The following ZNRF1 variants were observed in gnomAD, a reference collection of about 807,000 sequenced individuals.
The protein encoded by ZNRF1 is zinc and ring finger 1.
Under a neutral mutation model 18.4 loss-of-function variants are expected in ZNRF1, and 3 were observed. The ratio of observed to expected loss-of-function variants is 0.16; its 90% CI spans 0.07 to 0.42. The LOEUF (loss-of-function observed/expected upper bound fraction) is 0.42. ZNRF1 is among the 10% of genes least tolerant of loss of function. ZNRF1 has a pLI of 0.99. For missense variants in ZNRF1, 310 were observed against 329.8 expected (o/e 0.94, Z 0.47); for synonymous variants, 157 against 144.2 (o/e 1.09, Z -0.64).
chr16:75,005,827 C>T (rs1411921229), intron 1 of ZNRF1, among the ~76,000 whole-genome samples: 1 of 152,132 alleles, frequency 6.6e-6, no homozygotes, highest in African/African-American at 2.4e-5. Context: ...TACAGTCATG[C>T]ATTGCTTAAT....
intron 1 of ZNRF1, among the ~76,000 whole-genome samples, chr16:75,010,395 G>A (rs1402892637): frequency 6.6e-6 from 1 of 152,204 alleles, no homozygotes; most frequent in Admixed American, 6.5e-5. Context: ...TCGGGAATAA[G>A]TAATAAATCT....
intron 1 of ZNRF1, among the ~76,000 whole-genome samples, chr16:75,011,356 G>T (rs548878986): frequency 6.6e-5 from 10 of 152,136 alleles, no homozygotes. Context: ...AAGTATAACA[G>T]CATTTAAGTC....
chr16:75,097,414 G>C (rs1282354047), intron 2 of ZNRF1, among the ~76,000 whole-genome samples: 1 of 152,270 alleles, frequency 6.6e-6, no homozygotes, highest in South Asian at 2.1e-4. Flanking sequence ...GTGTTCTGGG[G>C]GAGCAGAAGC....
chr16:75,103,449 G>A (rs973261932), intron 2 of ZNRF1, among the ~76,000 whole-genome samples: 2 of 152,070 alleles, frequency 1.3e-5, no homozygotes, highest in African/African-American at 4.8e-5. Flanking sequence ...CTTACATGAG[G>A]TAGCTAAAAT....
chr16:75,073,160 C>CTGTCTCTT (rs1365667527), intron 1 of ZNRF1, among the ~76,000 whole-genome samples: 1 of 151,426 alleles, frequency 6.6e-6, no homozygotes, highest in Non-Finnish European at 1.5e-5. Context: ...CTCTGTCTCT[C>CTGTCTCTT]TGTCTATATA....
At position 75,108,568 on chromosome 16, in the gene ZNRF1, T is replaced by C. The variant is rs2036343683; in HGVS notation, c.*868T>C. 1 of 398,854 alleles carries C rather than the reference T, an allele frequency of 2.5e-6. No individual in the cohort carries two copies. The highest frequency in any genetic ancestry group is 4.4e-6 in the Non-Finnish European group (1 of 226,056). 24.7% of individuals were successfully genotyped at this position (398,854 alleles called of 1,614,324 possible). ...GATGTTCACACGTGGCATCAGCCCA[T>C]GCAAGATAGGTTTCTGTATTTATAT... is the stretch of plus-strand genomic sequence containing the variant. On this transcript the variant is annotated 3_prime_UTR_variant, in exon 5 of 5. Transcript: ENST00000335325.
chr16:75,108,420 A>C lies in ZNRF1; in HGVS notation c.*720A>C. The C allele has an allele frequency of 2.5e-6, 1 of 394,692 alleles. No individual in the cohort carries two copies. Among genetic ancestry groups the C allele is most frequent in the Non-Finnish European group, 4.5e-6 (1 of 224,392 alleles). The allele number at this position is 394,692 out of a possible 1,614,324, so 24.4% of individuals were successfully genotyped here. A position where few individuals can be genotyped will look rare whatever the true frequency, so the allele number is the denominator to read the frequency against. On this transcript the variant is annotated 3_prime_UTR_variant, in exon 5 of 5. Coordinates refer to ENST00000335325, the MANE Select transcript of ZNRF1 (RefSeq NM_032268.5). The stretch of plus-strand genomic sequence containing the variant: ...ACAAGTGTCCTGCAAAAATGCCTGA[A>C]CATTATTCTTAGGCCCTCGTGGATT...
chr16:75,048,845 C>T (rs1033845834), intron 1 of ZNRF1, among the ~76,000 whole-genome samples: 8 of 152,100 alleles, frequency 5.3e-5, no homozygotes, highest in Admixed American at 6.5e-5. Context: ...AACCTTTGAC[C>T]GGTGGTTTTT....
intron 3 of ZNRF1, 146 bp from the exon 4 acceptor site, chr16:75,106,336 T>G: frequency 1.4e-6 from 1 of 736,240 alleles, no homozygotes; most frequent in Non-Finnish European, 2.3e-6. Flanking sequence ...AGTAGGGATA[T>G]CTGGGGACAT....
intron 1 of ZNRF1, among the ~76,000 whole-genome samples, chr16:75,045,198 G>T (rs1294679534): frequency 6.6e-6 from 1 of 152,140 alleles, no homozygotes; most frequent in South Asian, 2.1e-4. Flanking sequence ...CCACACCCAT[G>T]CAAACTATGT....
intron 2 of ZNRF1, among the ~76,000 whole-genome samples, chr16:75,101,478 G>T (rs536493144): frequency 4.6e-5 from 7 of 151,986 alleles, no homozygotes; most frequent in Non-Finnish European, 8.8e-5. Context: ...CTCTTGAGGC[G>T]GAGGTTGCAG....
intron 1 of ZNRF1, among the ~76,000 whole-genome samples, chr16:75,048,663 TAAGC>T (rs1235237159): frequency 3.3e-5 from 5 of 152,180 alleles, no homozygotes; most frequent in African/African-American, 1.2e-4. Context: ...CTTTACCAGT[TAAGC>T]ATTTTTGGCA....
intron 1 of ZNRF1, among the ~76,000 whole-genome samples, chr16:75,058,329 C>CT (rs1669483657): frequency 1.3e-5 from 2 of 152,058 alleles, no homozygotes; most frequent in Admixed American, 1.3e-4. Context: ...TTGAGGTGAG[C>CT]TGTTCTCATC....
At chr16:75,059,361 C>T (rs2035714288) in intron 1 of ZNRF1, among the ~76,000 whole-genome samples, 1 of 150,668 alleles carries the variant, frequency 6.6e-6, no homozygotes, top group South Asian at 2.1e-4. Flanking sequence ...GATTCTCCTG[C>T]CTCAGCCTCC....
chr16:75,035,418 A>C (rs2035365311), intron 1 of ZNRF1, among the ~76,000 whole-genome samples: 2 of 152,190 alleles, frequency 1.3e-5, no homozygotes, highest in Admixed American at 6.5e-5. Flanking sequence ...TGCAGTGATC[A>C]TGCAATGGTG....
chr16:75,095,810 GT>G, intron 2 of ZNRF1: 1 of 1,404,128 alleles, frequency 7.1e-7, no homozygotes, highest in Non-Finnish European at 9.4e-7. Context: ...GTGTCCCCCT[GT>G]CCCCCTCTGT....
At chr16:75,023,977 T>G (rs998145571) in intron 1 of ZNRF1, among the ~76,000 whole-genome samples, 1 of 151,514 alleles carries the variant, frequency 6.6e-6, no homozygotes, top group African/African-American at 2.4e-5. Context: ...TTCAAGTGAT[T>G]CTCCTGACTC....
intron 1 of ZNRF1, among the ~76,000 whole-genome samples, chr16:75,035,121 C>A (rs1413048772): frequency 1.3e-5 from 2 of 149,056 alleles, no homozygotes; most frequent in Non-Finnish European, 3.0e-5. Flanking sequence ...CCCCACCCTC[C>A]ACCCCCCCTC....
Position 75,107,802 on chromosome 16 carries a change from G to C in ZNRF1, c.*102G>C, listed in dbSNP as rs2036336158. On this transcript the variant is annotated 3_prime_UTR_variant, in exon 5 of 5. Transcript: ENST00000335325. ...GGGCAGAGCTGAGCTTGGGACACCAGCGGGAACAGGGCACCCCTTCTGCAC... is the reference window on the plus strand; with the variant it reads ...GGGCAGAGCTGAGCTTGGGACACCACCGGGAACAGGGCACCCCTTCTGCAC... The C allele has an allele frequency of 2.2e-6, 1 of 456,372 alleles. No individual in the cohort carries two copies. The highest frequency in any genetic ancestry group is 4.4e-6 in the Non-Finnish European group (1 of 226,798). The allele number at this position is 456,372 out of a possible 1,614,324, so 28.3% of individuals were successfully genotyped here. A position where few individuals can be genotyped will look rare whatever the true frequency, so the allele number is the denominator to read the frequency against.
Sources: gnomAD v4.1 joint callset for allele counts (sites outside exome capture counted in the v4.1 genomes callset) on GRCh38, gnomAD v4.1.1 for gene constraint, MANE v1.5 for transcripts, NCBI Gene and HGNC (gene_info 2026-07-23, HGNC 2026-07-21) for gene names.